Variants in B4GALT6 observed in about 807,000 individuals in gnomAD.
The protein encoded by B4GALT6 is beta-1,4-galactosyltransferase 6, also known as UDP-Gal:beta-GlcNAc beta-1,4-galactosyltransferase 6.
B4GALT6 carries 14 observed loss-of-function variants against 46.3 expected under a neutral mutation model. That is an observed-to-expected ratio of 0.30 (90% CI 0.20 to 0.47). The LOEUF (loss-of-function observed/expected upper bound fraction) is 0.47, where lower values mean the gene tolerates loss of function less well. Among genes scored for constraint, B4GALT6 ranks in the 20% least tolerant of loss-of-function variants. B4GALT6 has a pLI of 0.99. For synonymous variants in B4GALT6, 168 were observed against 162.0 expected (o/e 1.04, Z -0.28); for missense variants, 386 against 480.1 (o/e 0.80, Z 1.83).
At chr18:31,692,798 C>T in the B4GALT6 span, among the ~76,000 whole-genome samples, 2 of 152,234 alleles carry the variant, frequency 1.3e-5, no homozygotes, top group South Asian at 2.1e-4. Context: ...CACTAGAAAA[C>T]TCATTAGAAC....
chr18:31,720,931 A>C, the B4GALT6 span, among the ~76,000 whole-genome samples: 3 of 152,202 alleles, frequency 2.0e-5, no homozygotes, highest in East Asian at 5.8e-4. Flanking sequence ...TAAAGGCAAA[A>C]GGGAGAAGTA....
chr18:31,650,837 C>T (rs375127397), intron 3 of B4GALT6, among the ~76,000 whole-genome samples: 42 of 152,178 alleles, frequency 2.8e-4, no homozygotes, highest in Middle Eastern at 3.4e-3. Context: ...GGCGCCATCT[C>T]GGCTCACTAC....
Position 31,638,612 on chromosome 18 carries a change from T to C in B4GALT6, c.588+32A>G, listed in dbSNP as rs745715434. 32 of 1,463,574 alleles carry C rather than the reference T, an allele frequency of 2.2e-5. No homozygotes were observed. The East Asian group carries it at 2.9e-4, about 13-fold the overall frequency. The allele number at this position is 1,463,574 out of a possible 1,614,324, so 90.7% of individuals were successfully genotyped here. A position where few individuals can be genotyped will look rare whatever the true frequency, so the allele number is the denominator to read the frequency against. ...ATATCTAAGAGTTTAGATTCTAGTA[T>C]ACTTAGTGACCACTATGAAAAGTAT... On this transcript the variant is annotated intron_variant, in intron 5 of 8. Transcript: ENST00000306851.
chr18:31,633,501 T>C (rs1332845572), intron 5 of B4GALT6, among the ~76,000 whole-genome samples: 1 of 152,222 alleles, frequency 6.6e-6, no homozygotes, highest in East Asian at 1.9e-4. Flanking sequence ...AGACCTTCTT[T>C]CGGTTTCTAA....
chr18:31,659,631 A>G (rs760900937), intron 2 of B4GALT6, among the ~76,000 whole-genome samples: 2 of 152,028 alleles, frequency 1.3e-5, no homozygotes, highest in Non-Finnish European at 2.9e-5. Context: ...TTCCCAGAAA[A>G]CCCCAACATA....
chr18:31,640,925 G>C (rs2073922889), intron 4 of B4GALT6, among the ~76,000 whole-genome samples: 1 of 152,220 alleles, frequency 6.6e-6, no homozygotes, highest in African/African-American at 2.4e-5. Context: ...GAGCAAAAGA[G>C]GTTAGATGGT....
chr18:31,706,172 GA>G, the B4GALT6 span, among the ~76,000 whole-genome samples: 1 of 151,882 alleles, frequency 6.6e-6, no homozygotes, highest in Non-Finnish European at 1.5e-5. Flanking sequence ...TTTACAGAGG[GA>G]ATAAATACAC....
the B4GALT6 span, among the ~76,000 whole-genome samples, chr18:31,708,300 C>G: frequency 6.6e-6 from 1 of 152,226 alleles, no homozygotes; most frequent in Non-Finnish European, 1.5e-5. Flanking sequence ...TGCGGTGGCT[C>G]ATGCCTATAA....
chr18:31,688,336 G>A (rs552052391), upstream of B4GALT6, among the ~76,000 whole-genome samples: 1 of 149,832 alleles, frequency 6.7e-6, no homozygotes, highest in Non-Finnish European at 1.5e-5. Context: ...TTTGTATTGT[G>A]AATATGATCA....
chr18:31,714,079 C>T, the B4GALT6 span, among the ~76,000 whole-genome samples: 1,988 of 152,202 alleles, frequency 0.013, 56 homozygotes, highest in African/African-American at 0.046. Context: ...GCCCATAAAG[C>T]ACATGTCCAA....
the B4GALT6 span, among the ~76,000 whole-genome samples, chr18:31,704,576 A>G: frequency 6.6e-6 from 1 of 152,198 alleles, no homozygotes; most frequent in Non-Finnish European, 1.5e-5. Flanking sequence ...CCAAATATAT[A>G]AAATCTCTGA....
At chr18:31,653,332 C>G (rs570002951) in intron 3 of B4GALT6, among the ~76,000 whole-genome samples, 61 of 152,068 alleles carry the variant, frequency 4.0e-4, no homozygotes, top group African/African-American at 1.5e-3. Flanking sequence ...TCTCTCTCAG[C>G]TATCTTGTAA....
At chr18:31,723,857 G>A in the B4GALT6 span, among the ~76,000 whole-genome samples, 1 of 152,134 alleles carries the variant, frequency 6.6e-6, no homozygotes, top group Non-Finnish European at 1.5e-5. Flanking sequence ...GCTTGGAGGA[G>A]GAAGAGTTCA....
chr18:31,640,819 T>C (rs527901030), intron 4 of B4GALT6, among the ~76,000 whole-genome samples: 2 of 152,354 alleles, frequency 1.3e-5, no homozygotes, highest in Non-Finnish European at 2.9e-5. Context: ...TCAGCGCCAA[T>C]GGCTGGCATA....
At position 31,627,199 on chromosome 18, in the gene B4GALT6, T is replaced by A; in HGVS notation, c.777-78A>T. 2.3e-6 allele frequency: 3 copies of A among 1,308,986 alleles called. No individual in the cohort carries two copies. In the South Asian group the frequency reaches 4.3e-5, roughly 19 times the overall value. The allele number at this position is 1,308,986 out of a possible 1,614,324, so 81.1% of individuals were successfully genotyped here. ...GTGAAATGAAGGTTTCAGCCTTTTA[T>A]GTGCTTTGCAAAATATGCCCTTATA... On this transcript the variant is annotated intron_variant, in intron 6 of 8. Transcript: ENST00000306851.
chr18:31,664,531 T>C (rs1333292333), intron 2 of B4GALT6, among the ~76,000 whole-genome samples: 1 of 145,814 alleles, frequency 6.9e-6, no homozygotes, highest in Non-Finnish European at 1.5e-5. Flanking sequence ...GGATTTTCCT[T>C]TTTTTTTTTT....
chr18:31,654,582 ACTTTAT>A (rs2074115525), intron 3 of B4GALT6, among the ~76,000 whole-genome samples: 1 of 152,232 alleles, frequency 6.6e-6, no homozygotes, highest in Non-Finnish European at 1.5e-5. Flanking sequence ...TGAAAAATTC[ACTTTAT>A]CTTTACAGAA....
chr18:31,671,429 G>A (rs1278636879), intron 1 of B4GALT6, among the ~76,000 whole-genome samples: 1 of 152,122 alleles, frequency 6.6e-6, no homozygotes, highest in Non-Finnish European at 1.5e-5. Context: ...ACTTTTTAAT[G>A]ATCACCACTG....
upstream of B4GALT6, chr18:31,686,963 CTGAG>C (rs1598943696): frequency 6.6e-6 from 1 of 152,208 alleles, no homozygotes; most frequent in East Asian, 1.9e-4. Flanking sequence ...TTACTATAAA[CTGAG>C]AGAGAAGTAG....
Sources: gnomAD v4.1 joint callset for allele counts (sites outside exome capture counted in the v4.1 genomes callset) on GRCh38, gnomAD v4.1.1 for gene constraint, MANE v1.5 for transcripts, NCBI Gene and HGNC (gene_info 2026-07-23, HGNC 2026-07-21) for gene names.